Variants in AFF1 observed in about 807,000 individuals in gnomAD.
AFF1 encodes the protein AF4/FMR2 family member 1.
A neutral mutation model predicts 121.7 loss-of-function variants in AFF1; 48 were observed. The observed-to-expected ratio is 0.39, with a 90% CI of 0.31 to 0.50. The LOEUF is 0.50. Ranked by LOEUF, AFF1 falls within the 20% of genes least tolerant of loss-of-function variation. The pLI, the probability that AFF1 is intolerant of heterozygous loss-of-function variation, is 0.76. For missense variants in AFF1, 1,523 were observed against 1,511.7 expected (o/e 1.01, Z -0.12); for synonymous variants, 613 against 563.0 (o/e 1.09, Z -1.26).
At chr4:87,123,595 T>C (rs931473406) in intron 12 of AFF1, among the ~76,000 whole-genome samples, 32 of 152,154 alleles carry the variant, frequency 2.1e-4, no homozygotes, top group African/African-American at 7.5e-4. Flanking sequence ...TGAATAAAAG[T>C]GTCTTTTCCA....
intron 2 of AFF1, among the ~76,000 whole-genome samples, chr4:87,011,484 C>T (rs1000315208): frequency 6.6e-6 from 1 of 152,064 alleles, no homozygotes; most frequent in Admixed American, 6.6e-5. Flanking sequence ...TTTGCCCTGC[C>T]CTATGCCCCG....
At chr4:87,108,673 T>G (rs554656770) in intron 11 of AFF1, among the ~76,000 whole-genome samples, 55 of 152,342 alleles carry the variant, frequency 3.6e-4, no homozygotes, top group Admixed American at 3.5e-3. Context: ...TATTTTAATA[T>G]TAATGAGAAT....
chr4:86,946,028 T>C (rs1720834469), intron 1 of AFF1, among the ~76,000 whole-genome samples: 1 of 152,124 alleles, frequency 6.6e-6, no homozygotes, highest in South Asian at 2.1e-4. Flanking sequence ...ACCCATGTGG[T>C]TCTTTTTGAT....
chr4:87,134,459 T>C lies in AFF1; in HGVS notation c.3312-12T>C. 6.3e-7 allele frequency: 1 copy of C among 1,577,342 alleles called. No homozygotes were observed. Reference sequence around the variant, plus strand: ...CTGACTGATCAGTTATCTCTTCTCTTCCACCTCCCAGAAGCACAGGCACAC... The same window carrying C: ...CTGACTGATCAGTTATCTCTTCTCTCCCACCTCCCAGAAGCACAGGCACAC... On this transcript the variant is annotated splice_polypyrimidine_tract_variant and intron_variant, in intron 19 of 20. Coordinates refer to ENST00000395146, the MANE Select transcript of AFF1 (RefSeq NM_001166693.3).
chr4:86,983,781 T>TA (rs1291106389), intron 2 of AFF1, among the ~76,000 whole-genome samples: 1 of 151,260 alleles, frequency 6.6e-6, no homozygotes, highest in Non-Finnish European at 1.5e-5. Flanking sequence ...CTCACGCTTG[T>TA]AATCCCAGCA....
rs908512226 is a variant in AFF1 at position 87,090,056 on chromosome 4, C to T, written c.1177C>T (p.Pro393Ser). 3.7e-6 allele frequency: 6 copies of T among 1,613,582 alleles called. No individual in the cohort carries two copies. The African/African-American group carries it at 8.0e-5, about 22-fold the overall frequency. ...TPSTAEPSKFPFPTKDSQHVS... is the reference protein window; with the variant it reads ...TPSTAEPSKFSFPTKDSQHVS... ...TAGTACAGCTGAGCCATCCAAGTTT[C>T]CTTTCCCTACAAAGGTAATTCCTTA... The change falls in exon 6 of 21, where the codon CCT (proline) becomes TCT (serine). Residue 393 changes from proline to serine, a missense_variant. Transcript: ENST00000395146.
chr4:87,115,322 G>T lies in AFF1; in HGVS notation c.2466+23G>T, dbSNP rs202152182. ...AAGGTGAGTGTGGGGAGACTGCCCT[G>T]ACTCCAGCGTGGACCATCCTTGCTG... On this transcript the variant is annotated intron_variant, in intron 12 of 20. Coordinates refer to ENST00000395146, the MANE Select transcript of AFF1 (RefSeq NM_001166693.3). The T allele has an allele frequency of 4.5e-5, 69 of 1,547,010 alleles. No homozygotes were observed. In the African/African-American group the frequency reaches 8.7e-4, roughly 20 times the overall value.
At chr4:87,127,166 T>TGGG in intron 15 of AFF1, 49 bp downstream of exon 15, 7 of 1,084,592 alleles carry the variant, frequency 6.5e-6, no homozygotes, top group Non-Finnish European at 7.8e-6. Flanking sequence ...TTGTTTTGCT[T>TGGG]CCCCCCCCCA....
chr4:87,053,531 G>A (rs1011731566), intron 4 of AFF1, among the ~76,000 whole-genome samples: 1 of 152,202 alleles, frequency 6.6e-6, no homozygotes, highest in African/African-American at 2.4e-5. Flanking sequence ...CCTATTATGA[G>A]ATGATCTAAA....
chr4:87,076,416 T>G (rs555095640), intron 4 of AFF1, among the ~76,000 whole-genome samples: 29 of 152,170 alleles, frequency 1.9e-4, no homozygotes, highest in Middle Eastern at 3.2e-3. Flanking sequence ...TGAAAGTAAT[T>G]TTTTGCTACA....
intron 4 of AFF1, 108 bp downstream of exon 4, chr4:87,047,702 G>A (rs1730858138): frequency 1.4e-6 from 2 of 1,433,308 alleles, no homozygotes; most frequent in African/African-American, 1.4e-5. Context: ...TGGCTTTTGG[G>A]TAGGGGGAAT....
chr4:86,949,221 C>A (rs1318717446), intron 2 of AFF1, among the ~76,000 whole-genome samples: 1 of 147,390 alleles, frequency 6.8e-6, no homozygotes, highest in Non-Finnish European at 1.5e-5. Context: ...GTTGCCCAGG[C>A]TGGAGTGCAG....
intron 8 of AFF1, 86 bp downstream of exon 8, chr4:87,095,055 C>A: frequency 7.8e-7 from 1 of 1,286,456 alleles, no homozygotes; most frequent in Non-Finnish European, 1.1e-6. Flanking sequence ...ATTTTTCTGC[C>A]TTTATGTAAT....
chr4:86,941,284 G>A (rs1395732749), intron 1 of AFF1, among the ~76,000 whole-genome samples: 1 of 152,166 alleles, frequency 6.6e-6, no homozygotes, highest in Non-Finnish European at 1.5e-5. Flanking sequence ...GCTGATGTGG[G>A]AGGATTGCAT....
chr4:87,119,052 G>A (rs937301289), intron 12 of AFF1, among the ~76,000 whole-genome samples: 1 of 151,368 alleles, frequency 6.6e-6, no homozygotes, highest in Non-Finnish European at 1.5e-5. Context: ...AAAAAGGAGG[G>A]GTTATATCTT....
chr4:86,949,547 T>A lies in AFF1; in HGVS notation c.38+976T>A, dbSNP rs1482447928. 1.5e-3 allele frequency: 861 copies of A among 561,062 alleles called. 6 individuals are homozygous for A. Among genetic ancestry groups the A allele is most frequent in the East Asian group, 2.3e-3 (43 of 19,100 alleles). The allele number at this position is 561,062 out of a possible 1,614,324, so 34.8% of individuals were successfully genotyped here. On this transcript the variant is annotated intron_variant, in intron 2 of 20. Transcript: ENST00000395146. ...ATTATTATTATTATTATTTTTTTTTTTTTTTTTTTCCCGACTGGGGCAGGC... is the reference window on the plus strand; with the variant it reads ...ATTATTATTATTATTATTTTTTTTTATTTTTTTTTCCCGACTGGGGCAGGC...
At chr4:87,128,777 C>G (rs560648020) in intron 16 of AFF1, among the ~76,000 whole-genome samples, 2 of 152,330 alleles carry the variant, frequency 1.3e-5, no homozygotes, top group South Asian at 4.1e-4. Context: ...CAAAGACAAG[C>G]CTCTCTAGCC....
At chr4:87,106,121 G>A (rs551616461) in intron 10 of AFF1, among the ~76,000 whole-genome samples, 51 of 152,288 alleles carry the variant, frequency 3.3e-4, no homozygotes, top group East Asian at 1.5e-3. Context: ...GCTAGCTCAC[G>A]CCTGTAATCC....
At chr4:87,129,899 C>T (rs543693053) in intron 16 of AFF1, among the ~76,000 whole-genome samples, 10 of 152,234 alleles carry the variant, frequency 6.6e-5, no homozygotes, top group South Asian at 2.1e-4. Context: ...CAGCCCATAC[C>T]GCTCTCATTG....
Sources: gnomAD v4.1 joint callset for allele counts (sites outside exome capture counted in the v4.1 genomes callset) on GRCh38, gnomAD v4.1.1 for gene constraint, MANE v1.5 for transcripts, NCBI Gene and HGNC (gene_info 2026-07-23, HGNC 2026-07-21) for gene names.